Variants in BRAF observed in about 807,000 individuals in gnomAD.
BRAF encodes the protein B-Raf proto-oncogene, serine/threonine kinase.
In BRAF, 16 loss-of-function variants were observed where a neutral mutation model predicts 104.6. That is an observed-to-expected ratio of 0.15 (90% CI 0.10 to 0.23). BRAF has a LOEUF of 0.23. Among genes scored for constraint, BRAF ranks in the 10% least tolerant of loss-of-function variants. The probability of loss-of-function intolerance (pLI) is 1.00; values close to 1 mark genes in which losing one functional copy is unlikely to be tolerated. For missense variants in BRAF, 541 were observed against 937.3 expected, an observed-to-expected ratio of 0.58 and a Z score of 5.52; for synonymous variants, 310 against 341.6, an observed-to-expected ratio of 0.91 and a Z score of 1.02.
chr7:140,755,044 T>C (rs1798089577), intron 14 of BRAF, among the ~76,000 whole-genome samples: 1 of 152,140 alleles, frequency 6.6e-6, no homozygotes, highest in Non-Finnish European at 1.5e-5. Context: ...GACAAAGTCT[T>C]ACTCTATCAC....
chr7:140,894,391 T>A (rs1330582232), intron 1 of BRAF, among the ~76,000 whole-genome samples: 1 of 152,188 alleles, frequency 6.6e-6, no homozygotes, highest in Non-Finnish European at 1.5e-5. Flanking sequence ...ATTAATCCCA[T>A]TCAAACATGT....
intron 19 of BRAF, among the ~76,000 whole-genome samples, chr7:140,729,437 G>A (rs1795810586): frequency 6.6e-6 from 1 of 151,558 alleles, no homozygotes; most frequent in African/African-American, 2.4e-5. Flanking sequence ...CTGAGGCCAG[G>A]AGTTCAAGAC....
rs182433818 is a variant in BRAF at position 140,737,538 on chromosome 7, C to T, written c.2247+2274G>A. Among the ~76,000 whole-genome samples the T allele has an allele frequency of 1.1e-4, 16 of 152,172 alleles. No homozygotes were observed. In the East Asian group the frequency reaches 3.1e-3, roughly 29 times the overall value. ...TGTTACTTATTGATTTGGAGGAGTC[C>T]TTTGTATATTATAAACATTTACTTT... is the stretch of plus-strand genomic sequence containing the variant. On this transcript the variant is annotated intron_variant, in intron 18 of 19. Coordinates refer to ENST00000644969, the MANE Select transcript of BRAF (RefSeq NM_001374258.1).
At chr7:140,737,112 C>T (rs951544352) in intron 18 of BRAF, among the ~76,000 whole-genome samples, 1 of 151,992 alleles carries the variant, frequency 6.6e-6, no homozygotes, top group African/African-American at 2.4e-5. Context: ...TTTTCTCTCA[C>T]CAATATCCAT....
chr7:140,874,265 G>A (rs182920913), intron 1 of BRAF, among the ~76,000 whole-genome samples: 20 of 148,422 alleles, frequency 1.3e-4, no homozygotes, highest in Middle Eastern at 3.6e-3. Context: ...GCAGTGGCGC[G>A]ACCTCAACTC....
intron 1 of BRAF, among the ~76,000 whole-genome samples, chr7:140,900,112 T>A (rs1160543392): frequency 6.6e-6 from 1 of 152,218 alleles, no homozygotes; most frequent in Non-Finnish European, 1.5e-5. Flanking sequence ...CCCACAGAAC[T>A]GTGAGAGAAA....
At chr7:140,881,313 A>G (rs1812879576) in intron 1 of BRAF, among the ~76,000 whole-genome samples, 1 of 152,196 alleles carries the variant, frequency 6.6e-6, no homozygotes, top group African/African-American at 2.4e-5. Context: ...TGTCCTTTGA[A>G]GCTTTAAAGC....
At chr7:140,750,581 A>T (rs1402082554) in intron 16 of BRAF, among the ~76,000 whole-genome samples, 1 of 152,168 alleles carries the variant, frequency 6.6e-6, no homozygotes, top group Non-Finnish European at 1.5e-5. Flanking sequence ...GAAGAGCGTG[A>T]GAGGATGGAA....
chr7:140,763,610 G>A (rs1322419717), intron 14 of BRAF, among the ~76,000 whole-genome samples: 2 of 152,160 alleles, frequency 1.3e-5, no homozygotes, highest in African/African-American at 4.8e-5. Context: ...AATGATAAAG[G>A]GGATATCACC....
intron 3 of BRAF, chr7:140,822,553 C>T (rs891472544): frequency 1.3e-5 from 2 of 152,118 alleles, no homozygotes; most frequent in African/African-American, 4.8e-5. Flanking sequence ...CATTTTTTGT[C>T]TGACTTCTTT....
chr7:140,818,627 A>T (rs1586277643), intron 3 of BRAF, among the ~76,000 whole-genome samples: 1 of 152,200 alleles, frequency 6.6e-6, no homozygotes, highest in East Asian at 1.9e-4. Flanking sequence ...CAAGTGTTTT[A>T]AATTTTCTAA....
Position 140,754,224 on chromosome 7 carries a change from G to A in BRAF, c.1824C>T (p.His608=), listed in dbSNP as rs199714538. 10 of 1,613,522 alleles carry A rather than the reference G, an allele frequency of 6.2e-6. No homozygotes were observed. Among genetic ancestry groups the A allele is most frequent in the East Asian group, 2.2e-5 (1 of 44,862 alleles). The change falls in exon 15 of 20, where the codon CAC becomes CAT. Residue 608 remains histidine, a synonymous_variant. Transcript: ENST00000644969. ...GGTCTCTGTGGATGATTGACTTGGC[G>A]TGTAAGTAACTGAAAAACAAAACAT... ...RQTAQGMDYL[H]AKSIIHRDLK... is the part of the protein sequence containing the mutation.
intron 8 of BRAF, among the ~76,000 whole-genome samples, chr7:140,790,206 C>T (rs1454885365): frequency 6.6e-6 from 1 of 152,200 alleles, no homozygotes; most frequent in East Asian, 1.9e-4. Context: ...TGCATCAGCT[C>T]TGAAACTCTC....
chr7:140,873,978 T>A (rs908717337), intron 1 of BRAF, among the ~76,000 whole-genome samples: 2 of 151,732 alleles, frequency 1.3e-5, no homozygotes, highest in Non-Finnish European at 2.9e-5. Flanking sequence ...AGAATAAAAA[T>A]AAAAACAAGG....
At chr7:140,809,119 C>T in intron 3 of BRAF, 124 bp from the exon 4 acceptor site, 1 of 702,288 alleles carries the variant, frequency 1.4e-6, no homozygotes, top group East Asian at 2.7e-5. Flanking sequence ...GATACAACAC[C>T]ATTTCTACAG....
intron 1 of BRAF, among the ~76,000 whole-genome samples, chr7:140,864,785 T>C (rs758921513): frequency 5.9e-5 from 9 of 152,116 alleles, no homozygotes; most frequent in Non-Finnish European, 1.2e-4. Context: ...GGCTGGGAGA[T>C]AATAGAGCAT....
intron 3 of BRAF, among the ~76,000 whole-genome samples, chr7:140,829,931 T>C (rs532545891): frequency 1.3e-5 from 2 of 152,356 alleles, no homozygotes; most frequent in South Asian, 2.1e-4. Context: ...TTGGAACTTT[T>C]GCTCTCTCCA....
At chr7:140,784,418 C>T (rs954568672) in intron 10 of BRAF, among the ~76,000 whole-genome samples, 3 of 152,094 alleles carry the variant, frequency 2.0e-5, no homozygotes, top group Non-Finnish European at 4.4e-5. Flanking sequence ...CCAGGCTTCA[C>T]GGTTATGATC....
chr7:140,897,041 G>C (rs910258404), intron 1 of BRAF, among the ~76,000 whole-genome samples: 12 of 150,258 alleles, frequency 8.0e-5, no homozygotes, highest in African/African-American at 2.7e-4. Flanking sequence ...ACTTTTTACA[G>C]AATTTGACAA....
Sources: gnomAD v4.1 joint callset for allele counts (sites outside exome capture counted in the v4.1 genomes callset) on GRCh38, gnomAD v4.1.1 for gene constraint, MANE v1.5 for transcripts, NCBI Gene and HGNC (gene_info 2026-07-23, HGNC 2026-07-21) for gene names.